The following ARB2A variants were observed in gnomAD, a reference collection of about 807,000 sequenced individuals.
ARB2A encodes the protein cotranscriptional regulator ARB2A.
chr5:93,951,186 T>C, the ARB2A span, among the ~76,000 whole-genome samples: 1 of 152,116 alleles, frequency 6.6e-6, no homozygotes, highest in African/African-American at 2.4e-5. Context: ...TATTAGATTC[T>C]TTTTCCTATT....
chr5:94,053,078 TAG>T, the ARB2A span: 1 of 871,316 alleles, frequency 1.1e-6, no homozygotes. Context: ...ATACTATAGA[TAG>T]ATAGATAGAT....
chr5:93,692,550 A>C, the ARB2A span, among the ~76,000 whole-genome samples: 1 of 152,202 alleles, frequency 6.6e-6, no homozygotes, highest in Non-Finnish European at 1.5e-5. Flanking sequence ...TCATAAAGCA[A>C]GTTCTTAGAG....
the ARB2A span, among the ~76,000 whole-genome samples, chr5:93,939,562 AG>A: frequency 6.6e-6 from 1 of 152,108 alleles, no homozygotes; most frequent in Non-Finnish European, 1.5e-5. Flanking sequence ...CATTATCAAA[AG>A]GAAAAGCAAA....
At chr5:93,742,837 T>C in the ARB2A span, among the ~76,000 whole-genome samples, 48 of 152,352 alleles carry the variant, frequency 3.2e-4, no homozygotes, top group South Asian at 6.2e-4. Context: ...CAGTTCTGAC[T>C]TCTCTTCTGA....
At chr5:93,998,216 A>T in the ARB2A span, among the ~76,000 whole-genome samples, 4 of 151,970 alleles carry the variant, frequency 2.6e-5, no homozygotes, top group Non-Finnish European at 2.9e-5. Flanking sequence ...TTTTCCCTTT[A>T]ATTTAACAAA....
chr5:93,744,561 T>C, the ARB2A span, among the ~76,000 whole-genome samples: 2 of 151,896 alleles, frequency 1.3e-5, no homozygotes, highest in African/African-American at 4.8e-5. Context: ...TCTACCAATG[T>C]GCATATCTCC....
the ARB2A span, among the ~76,000 whole-genome samples, chr5:93,799,676 G>C: frequency 6.6e-6 from 1 of 152,100 alleles, no homozygotes; most frequent in Non-Finnish European, 1.5e-5. Flanking sequence ...TTAGTACCAG[G>C]AAACTAACAT....
At chr5:93,929,980 G>A in the ARB2A span, among the ~76,000 whole-genome samples, 7 of 152,234 alleles carry the variant, frequency 4.6e-5, no homozygotes, top group African/African-American at 1.4e-4. Context: ...TACATGACCA[G>A]ACAAGAAATG....
At chr5:93,927,917 T>A in the ARB2A span, among the ~76,000 whole-genome samples, 1 of 152,008 alleles carries the variant, frequency 6.6e-6, no homozygotes, top group Non-Finnish European at 1.5e-5. Flanking sequence ...TAAGGGCTTA[T>A]CTATAAAAAT....
the ARB2A span, among the ~76,000 whole-genome samples, chr5:93,694,692 A>G: frequency 1.3e-5 from 2 of 152,244 alleles, no homozygotes; most frequent in African/African-American, 4.8e-5. Context: ...AAGCTACTTT[A>G]AATTTCATAT....
the ARB2A span, among the ~76,000 whole-genome samples, chr5:93,804,648 CA>C: frequency 3.3e-5 from 5 of 151,566 alleles, no homozygotes; most frequent in Non-Finnish European, 7.4e-5. Flanking sequence ...GCTTATTAGC[CA>C]ATATATATAT....
At chr5:93,641,391 G>C in the ARB2A span, among the ~76,000 whole-genome samples, 4 of 152,016 alleles carry the variant, frequency 2.6e-5, no homozygotes, top group African/African-American at 9.7e-5. Context: ...CTATTTCACA[G>C]AGAAAAGTTA....
chr5:94,017,711 T>G, the ARB2A span, among the ~76,000 whole-genome samples: 1 of 152,136 alleles, frequency 6.6e-6, no homozygotes, highest in Admixed American at 6.5e-5. Flanking sequence ...CAGTGACATA[T>G]TAGAAGCTGT....
the ARB2A span, among the ~76,000 whole-genome samples, chr5:93,993,633 C>T: frequency 1.3e-5 from 2 of 151,974 alleles, no homozygotes; most frequent in Non-Finnish European, 2.9e-5. Flanking sequence ...AAAAAAAGAA[C>T]TTCCAAAAAA....
At chr5:94,058,239 C>T in the ARB2A span, among the ~76,000 whole-genome samples, 1 of 151,512 alleles carries the variant, frequency 6.6e-6, no homozygotes, top group African/African-American at 2.4e-5. Flanking sequence ...TAAAATAAAA[C>T]CAAAAAGCAA....
the ARB2A span, among the ~76,000 whole-genome samples, chr5:93,669,110 A>C: frequency 6.6e-6 from 1 of 152,230 alleles, no homozygotes; most frequent in African/African-American, 2.4e-5. Flanking sequence ...GACGTGAAAT[A>C]CCACATTTAT....
At chr5:93,998,609 C>T in the ARB2A span, among the ~76,000 whole-genome samples, 1 of 151,742 alleles carries the variant, frequency 6.6e-6, no homozygotes, top group African/African-American at 2.4e-5. Flanking sequence ...AGCAACATAC[C>T]AGATGAACAT....
At chr5:94,054,774 T>C in the ARB2A span, among the ~76,000 whole-genome samples, 1 of 152,242 alleles carries the variant, frequency 6.6e-6, no homozygotes, top group South Asian at 2.1e-4. Context: ...TTCATCTCTC[T>C]TCATCCATTT....
the ARB2A span, among the ~76,000 whole-genome samples, chr5:93,781,055 T>A: frequency 6.6e-6 from 1 of 152,196 alleles, no homozygotes; most frequent in South Asian, 2.1e-4. Context: ...TTCAAGTGCA[T>A]TTTTATTACA....
Sources: allele counts gnomAD v4.1 joint callset (sites outside exome capture counted in the v4.1 genomes callset), GRCh38; gene constraint gnomAD v4.1.1; transcripts MANE v1.5; gene names NCBI Gene and HGNC (gene_info 2026-07-23, HGNC 2026-07-21).